Variants in AP3B1 observed in about 807,000 individuals in gnomAD.
The protein encoded by AP3B1 is AP-3 complex subunit beta-1.
A neutral mutation model predicts 132.5 loss-of-function variants in AP3B1; 61 were observed. The ratio of observed to expected loss-of-function variants is 0.46; its 90% CI spans 0.37 to 0.57. AP3B1 has a LOEUF of 0.57. Ranked by LOEUF, AP3B1 falls within the 20% of genes least tolerant of loss-of-function variation. The pLI, the probability that AP3B1 is intolerant of heterozygous loss-of-function variation, is 0.00. For missense variants in AP3B1, 1,120 were observed against 1,289.4 expected (o/e 0.87, Z 2.01); for synonymous variants, 388 against 438.3 (o/e 0.89, Z 1.43).
intron 3 of AP3B1, among the ~76,000 whole-genome samples, 198 bp downstream of exon 3, chr5:78,240,664 A>C (rs1194612632): frequency 6.6e-6 from 1 of 152,206 alleles, no homozygotes; most frequent in East Asian, 1.9e-4. Flanking sequence ...TTTGCTTTTC[A>C]TATTTTCTAC....
chr5:78,068,806 A>G (rs951516163), intron 22 of AP3B1, among the ~76,000 whole-genome samples: 2 of 152,178 alleles, frequency 1.3e-5, no homozygotes, highest in African/African-American at 4.8e-5. Flanking sequence ...ACAAAAAAAA[A>G]AGCAAACTTC....
chr5:78,264,054 T>C (rs144604607), intron 2 of AP3B1, among the ~76,000 whole-genome samples: 37 of 152,268 alleles, frequency 2.4e-4, no homozygotes, highest in Admixed American at 6.5e-4. Flanking sequence ...AGTAAGCTTG[T>C]GTAAGTATAC....
chr5:78,187,871 G>A (rs1220112929), intron 7 of AP3B1, among the ~76,000 whole-genome samples: 1 of 152,112 alleles, frequency 6.6e-6, no homozygotes, highest in Non-Finnish European at 1.5e-5. Flanking sequence ...CATGGTACTG[G>A]TACAAAAACA....
intron 2 of AP3B1, among the ~76,000 whole-genome samples, chr5:78,259,645 C>T (rs545014916): frequency 3.4e-4 from 52 of 152,280 alleles, no homozygotes; most frequent in African/African-American, 1.2e-3. Context: ...AAAATACATA[C>T]ACCTACTATG....
chr5:78,066,014 T>C (rs1749273707), intron 22 of AP3B1, among the ~76,000 whole-genome samples: 1 of 152,000 alleles, frequency 6.6e-6, no homozygotes, highest in East Asian at 1.9e-4. Flanking sequence ...CACCTCCAGG[T>C]ATAGGAGGGA....
At chr5:78,037,750 A>T (rs1747865393) in intron 23 of AP3B1, among the ~76,000 whole-genome samples, 1 of 152,212 alleles carries the variant, frequency 6.6e-6, no homozygotes, top group Admixed American at 6.5e-5. Flanking sequence ...CTTAAGTATT[A>T]TAAAAAGGAG....
At position 78,037,202 on chromosome 5, in the gene AP3B1, C is replaced by G. The variant is rs527760188; in HGVS notation, c.2809+1841G>C. 1.5e-4 allele frequency among the ~76,000 whole-genome samples: 23 copies of G among 152,246 alleles called. No homozygotes were observed. The East Asian group carries it at 4.4e-3, about 29-fold the overall frequency. On this transcript the variant is annotated intron_variant, in intron 23 of 26. Coordinates refer to ENST00000255194, the MANE Select transcript of AP3B1 (RefSeq NM_003664.5). ...AACTCATCAACTCATTATGCCAGCT[C>G]AAAGAAAAATTAATACTGTTCTACT...
At chr5:78,105,630 T>C (rs1751301162) in intron 20 of AP3B1, among the ~76,000 whole-genome samples, 1 of 152,236 alleles carries the variant, frequency 6.6e-6, no homozygotes, top group Non-Finnish European at 1.5e-5. Flanking sequence ...AATTTTGTTA[T>C]AGGTGTTATT....
intron 22 of AP3B1, among the ~76,000 whole-genome samples, chr5:78,087,847 G>A (rs573890123): frequency 6.6e-6 from 1 of 152,158 alleles, no homozygotes; most frequent in Non-Finnish European, 1.5e-5. Context: ...TATCACTTTG[G>A]AGAATATTCG....
At chr5:78,189,534 T>C (rs1488333376) in intron 7 of AP3B1, among the ~76,000 whole-genome samples, 2 of 152,172 alleles carry the variant, frequency 1.3e-5, no homozygotes, top group South Asian at 2.1e-4. Flanking sequence ...TGGTTCACAA[T>C]TGATGCAACT....
intron 22 of AP3B1, among the ~76,000 whole-genome samples, chr5:78,039,481 T>C (rs1272817183): frequency 2.0e-5 from 3 of 151,838 alleles, no homozygotes; most frequent in Non-Finnish European, 2.9e-5. Flanking sequence ...TGTATGAAAA[T>C]TTTTCTGTAA....
At chr5:78,040,092 T>A (rs1264225940) in intron 22 of AP3B1, among the ~76,000 whole-genome samples, 1 of 152,154 alleles carries the variant, frequency 6.6e-6, no homozygotes, top group African/African-American at 2.4e-5. Flanking sequence ...TACTGTAAAC[T>A]GAAGACCATG....
chr5:78,191,480 G>T (rs886071494), intron 7 of AP3B1, among the ~76,000 whole-genome samples: 1 of 151,632 alleles, frequency 6.6e-6, no homozygotes, highest in African/African-American at 2.4e-5. Context: ...GCCAGGATCC[G>T]CCAAAAATTA....
intron 1 of AP3B1, among the ~76,000 whole-genome samples, chr5:78,284,303 A>G (rs936957223): frequency 2.0e-5 from 3 of 152,216 alleles, no homozygotes; most frequent in Admixed American, 1.3e-4. Flanking sequence ...GTATGTGTGG[A>G]AAGTCCTCAT....
At chr5:78,084,267 G>A (rs537772606) in intron 22 of AP3B1, among the ~76,000 whole-genome samples, 11 of 152,032 alleles carry the variant, frequency 7.2e-5, no homozygotes, top group Non-Finnish European at 1.3e-4. Context: ...GCTCACTTGA[G>A]CCCAGGAGTT....
intron 14 of AP3B1, among the ~76,000 whole-genome samples, chr5:78,145,662 C>T (rs1289170825): frequency 6.6e-6 from 1 of 152,124 alleles, no homozygotes; most frequent in Non-Finnish European, 1.5e-5. Context: ...TTCCTTCATC[C>T]TCTGTTTGTC....
chr5:78,086,425 G>C (rs988529523), intron 22 of AP3B1, among the ~76,000 whole-genome samples: 1 of 152,160 alleles, frequency 6.6e-6, no homozygotes, highest in African/African-American at 2.4e-5. Context: ...GAGGTAGGTA[G>C]CATGATCATT....
intron 2 of AP3B1, among the ~76,000 whole-genome samples, chr5:78,258,295 A>C (rs905449793): frequency 3.3e-5 from 5 of 152,230 alleles, no homozygotes; most frequent in African/African-American, 1.2e-4. Context: ...ATATATCAGG[A>C]ACTCAAACAA....
intron 15 of AP3B1, among the ~76,000 whole-genome samples, chr5:78,137,606 T>C (rs893401824): frequency 7.9e-5 from 12 of 152,160 alleles, no homozygotes; most frequent in African/African-American, 2.9e-4. Flanking sequence ...TTCTTCTAAG[T>C]ATGAATTTCC....
Sources: allele counts gnomAD v4.1 joint callset (sites outside exome capture counted in the v4.1 genomes callset), GRCh38; gene constraint gnomAD v4.1.1; transcripts MANE v1.5; gene names NCBI Gene and HGNC (gene_info 2026-07-23, HGNC 2026-07-21).